ZNF704: variants seen among roughly 807,000 people sequenced by gnomAD.
ZNF704 encodes the protein zinc finger protein 704.
ZNF704 carries 10 observed loss-of-function variants against 44.7 expected under a neutral mutation model. The observed-to-expected ratio is 0.22, with a 90% CI of 0.14 to 0.38. The LOEUF is 0.38. Ranked by LOEUF, ZNF704 falls within the 10% of genes least tolerant of loss-of-function variation. The pLI is 1.00. For synonymous variants in ZNF704, 211 were observed against 207.6 expected (o/e 1.02, Z -0.14); for missense variants, 390 against 545.5 (o/e 0.71, Z 2.84).
chr8:80,818,893 C>T (rs991260376), intron 2 of ZNF704, among the ~76,000 whole-genome samples: 4 of 152,022 alleles, frequency 2.6e-5, no homozygotes, highest in Admixed American at 6.6e-5. Context: ...GTGGGAAGTC[C>T]GACATTTATT....
intron 6 of ZNF704, among the ~76,000 whole-genome samples, chr8:80,660,281 G>A (rs1266227797): frequency 6.6e-6 from 1 of 152,020 alleles, no homozygotes; most frequent in East Asian, 1.9e-4. Flanking sequence ...GACCAGCGAG[G>A]GCAACACAGT....
chr8:80,863,284 T>G (rs946729805), intron 1 of ZNF704, among the ~76,000 whole-genome samples: 9 of 152,214 alleles, frequency 5.9e-5, no homozygotes, highest in African/African-American at 2.2e-4. Context: ...TGTAAGCACT[T>G]GCAGCTGAGT....
At chr8:80,647,871 G>C (rs542297595) in intron 7 of ZNF704, among the ~76,000 whole-genome samples, 1 of 152,318 alleles carries the variant, frequency 6.6e-6, no homozygotes, top group South Asian at 2.1e-4. Context: ...GGGTTTGAGG[G>C]ACATGGATTG....
In ZNF704 at chr8:80,776,179, T is replaced by C. The variant is rs543234583; in HGVS notation, c.221+45195A>G. 8.5e-5 allele frequency among the ~76,000 whole-genome samples: 13 copies of C among 152,288 alleles called. No homozygotes were observed. The South Asian group carries it at 2.7e-3, about 32-fold the overall frequency. ...ATAAGAGTGACAAGTGTTTTGCCTA[T>C]AGTTTTCACCCTATCACTATTTTGG... On this transcript the variant is annotated intron_variant, in intron 2 of 8. Transcript: ENST00000327835.
chr8:80,748,375 T>C (rs568683820), intron 2 of ZNF704, among the ~76,000 whole-genome samples: 5 of 152,298 alleles, frequency 3.3e-5, no homozygotes, highest in African/African-American at 4.8e-5. Context: ...TTTTTGTTCC[T>C]TGAAGGGAGA....
chr8:80,761,274 T>G (rs901656291), intron 2 of ZNF704, among the ~76,000 whole-genome samples: 2 of 152,182 alleles, frequency 1.3e-5, no homozygotes, highest in African/African-American at 4.8e-5. Context: ...TAAGTTTCTG[T>G]TTTTACAACT....
intron 2 of ZNF704, among the ~76,000 whole-genome samples, chr8:80,726,069 C>T (rs1000845278): frequency 4.0e-5 from 6 of 151,878 alleles, no homozygotes; most frequent in South Asian, 2.1e-4. Flanking sequence ...GATTTTAAGT[C>T]GTATGTTTAG....
intron 2 of ZNF704, among the ~76,000 whole-genome samples, chr8:80,704,556 A>C (rs1242150382): frequency 6.6e-6 from 1 of 152,148 alleles, no homozygotes; most frequent in African/African-American, 2.4e-5. Context: ...CCAGGATTAG[A>C]GGGTTGGACT....
intron 2 of ZNF704, among the ~76,000 whole-genome samples, chr8:80,750,798 A>C (rs1007796944): frequency 4.6e-5 from 7 of 152,140 alleles, no homozygotes; most frequent in Non-Finnish European, 8.8e-5. Flanking sequence ...TACAGGTGTG[A>C]GCCCAACCTT....
chr8:80,640,953 T>C lies in ZNF704; in HGVS notation c.*413A>G, dbSNP rs1817732618. Reference sequence around the variant, plus strand: ...TTTGTACAAATGCTACTGAATAACCTGTAGCTTGTTTTTTAAGTGTCAAAA... The same window carrying C: ...TTTGTACAAATGCTACTGAATAACCCGTAGCTTGTTTTTTAAGTGTCAAAA... On this transcript the variant is annotated 3_prime_UTR_variant, in exon 9 of 9. Transcript: ENST00000327835. 1.9e-5 allele frequency: 3 copies of C among 158,032 alleles called. No individual in the cohort carries two copies. Among genetic ancestry groups the C allele is most frequent in the Admixed American group, 1.8e-4 (3 of 16,472 alleles). The allele number at this position is 158,032 out of a possible 1,614,324, so 9.8% of individuals were successfully genotyped here.
At chr8:80,694,670 C>T (rs1818697658) in intron 2 of ZNF704, among the ~76,000 whole-genome samples, 1 of 152,072 alleles carries the variant, frequency 6.6e-6, no homozygotes, top group Admixed American at 6.6e-5. Flanking sequence ...CAAATGGTTC[C>T]CAATTATTGG....
At chr8:80,819,611 A>G (rs1808234972) in intron 2 of ZNF704, among the ~76,000 whole-genome samples, 1 of 152,066 alleles carries the variant, frequency 6.6e-6, no homozygotes, top group African/African-American at 2.4e-5. Context: ...GTTTCCTATG[A>G]GACAACCAAA....
chr8:80,816,639 T>C (rs916973899), intron 2 of ZNF704, among the ~76,000 whole-genome samples: 2 of 152,192 alleles, frequency 1.3e-5, no homozygotes, highest in Non-Finnish European at 2.9e-5. Context: ...ACACTTTTAG[T>C]ACTTGTTACC....
chr8:80,677,752 G>T (rs1818393431), intron 4 of ZNF704, among the ~76,000 whole-genome samples: 1 of 152,064 alleles, frequency 6.6e-6, no homozygotes. Flanking sequence ...TATTTGTTAT[G>T]TTCAATCTCA....
chr8:80,853,567 A>G (rs936342160), intron 1 of ZNF704, among the ~76,000 whole-genome samples: 1 of 152,206 alleles, frequency 6.6e-6, no homozygotes, highest in Non-Finnish European at 1.5e-5. Context: ...AAATTAAAAA[A>G]AAGACAACGA....
chr8:80,791,207 C>A (rs1807702595), intron 2 of ZNF704, among the ~76,000 whole-genome samples: 1 of 152,122 alleles, frequency 6.6e-6, no homozygotes, highest in African/African-American at 2.4e-5. Context: ...TTTCCAGGCA[C>A]AAGCCTACTT....
rs73692260 is a variant in ZNF704 at position 80,835,185 on chromosome 8, T to A, written c.-21-13570A>T. 7.4e-4 allele frequency among the ~76,000 whole-genome samples: 113 copies of A among 152,274 alleles called. 2 individuals carry two copies. Among genetic ancestry groups the A allele is most frequent in the African/African-American group, 2.6e-3 (107 of 41,558 alleles). Reference sequence around the variant, plus strand: ...GACACACAACTTGGGTATTTTTTTTTAAATCCTTTCTGAAAAGGCTTGGAT... The same window carrying A: ...GACACACAACTTGGGTATTTTTTTTAAAATCCTTTCTGAAAAGGCTTGGAT... On this transcript the variant is annotated intron_variant, in intron 1 of 8. Coordinates refer to ENST00000327835, the MANE Select transcript of ZNF704 (RefSeq NM_001033723.3).
intron 1 of ZNF704, among the ~76,000 whole-genome samples, chr8:80,866,741 C>G (rs1809162037): frequency 6.6e-6 from 1 of 152,056 alleles, no homozygotes. Flanking sequence ...ATACATTAAT[C>G]TAACTGGGAC....
intron 2 of ZNF704, among the ~76,000 whole-genome samples, chr8:80,705,591 T>G (rs1180068103): frequency 6.6e-6 from 1 of 150,624 alleles, no homozygotes; most frequent in Non-Finnish European, 1.5e-5. Context: ...TGTGTATCCG[T>G]GTATGCATTT....
Sources: allele counts gnomAD v4.1 joint callset (sites outside exome capture counted in the v4.1 genomes callset), GRCh38; gene constraint gnomAD v4.1.1; transcripts MANE v1.5; gene names NCBI Gene and HGNC (gene_info 2026-07-23, HGNC 2026-07-21).